LUZP2: variants seen among roughly 807,000 people sequenced by gnomAD.
LUZP2 encodes leucine zipper protein 2.
A neutral mutation model predicts 51.6 loss-of-function variants in LUZP2; 52 were observed. The ratio of observed to expected loss-of-function variants is 1.01; its 90% CI spans 0.81 to 1.27. LUZP2 has a LOEUF of 1.27. Among genes scored for constraint, LUZP2 ranks in the 50% most tolerant of loss-of-function variants. The pLI, the probability that LUZP2 is intolerant of heterozygous loss-of-function variation, is 0.00. For missense variants in LUZP2, 436 were observed against 395.4 expected (o/e 1.10, Z -0.87); for synonymous variants, 154 against 137.3 (o/e 1.12, Z -0.85).
intron 1 of LUZP2, among the ~76,000 whole-genome samples, chr11:24,684,811 A>G (rs1856847419): frequency 6.6e-6 from 1 of 152,106 alleles, no homozygotes; most frequent in African/African-American, 2.4e-5. Context: ...CTCCCCAACT[A>G]GGAATTTATG....
At chr11:25,014,439 C>A (rs529092731) in intron 9 of LUZP2, among the ~76,000 whole-genome samples, 22 of 152,194 alleles carry the variant, frequency 1.4e-4, no homozygotes, top group Admixed American at 2.6e-4. Context: ...AATGATCACC[C>A]TTCTAAATGG....
chr11:25,039,229 G>C (rs1857961595), intron 9 of LUZP2, among the ~76,000 whole-genome samples: 1 of 152,164 alleles, frequency 6.6e-6, no homozygotes, highest in African/African-American at 2.4e-5. Flanking sequence ...TCTAGGACCT[G>C]TTTGCAGCTC....
chr11:25,068,672 G>T lies in LUZP2; in HGVS notation c.859-8657G>T, dbSNP rs576420345. On this transcript the variant is annotated intron_variant, in intron 10 of 11. Transcript: ENST00000336930. ...CTCTTTAGATTCCAACACAGAGAAC[G>T]CATTGACTTCTTAGAAACATAGACA... Among the ~76,000 whole-genome samples, 3 of 152,046 alleles carry T rather than the reference G, an allele frequency of 2.0e-5. No individual in the cohort carries two copies. The South Asian group carries it at 6.2e-4, about 32-fold the overall frequency.
chr11:25,012,828 C>T (rs750041789), intron 9 of LUZP2, among the ~76,000 whole-genome samples: 1 of 152,090 alleles, frequency 6.6e-6, no homozygotes, highest in Non-Finnish European at 1.5e-5. Flanking sequence ...TCTCAAAAAA[C>T]TAAAACTAGA....
At chr11:24,998,789 T>C (rs948929408) in intron 9 of LUZP2, among the ~76,000 whole-genome samples, 9 of 152,290 alleles carry the variant, frequency 5.9e-5, no homozygotes, top group African/African-American at 2.2e-4. Context: ...CATAAAATCT[T>C]GATGATAAAA....
intron 1 of LUZP2, among the ~76,000 whole-genome samples, chr11:24,594,084 C>T (rs570301909): frequency 1.3e-4 from 20 of 152,286 alleles, no homozygotes; most frequent in Admixed American, 3.9e-4. Context: ...AATGCACTAT[C>T]GTTTCTTACT....
intron 9 of LUZP2, among the ~76,000 whole-genome samples, chr11:24,992,762 C>T (rs1856386448): frequency 6.6e-6 from 1 of 152,036 alleles, no homozygotes; most frequent in African/African-American, 2.4e-5. Flanking sequence ...GACATTGTGA[C>T]ATACAAGTTG....
intron 1 of LUZP2, among the ~76,000 whole-genome samples, chr11:24,523,048 A>C (rs11027974): frequency 0.23 from 34,716 of 151,798 alleles, 5,136 homozygotes; most frequent in African/African-American, 0.42. Context: ...ATTTTATCTC[A>C]TGGTCTCAAA....
At chr11:25,004,697 A>T (rs1856785928) in intron 9 of LUZP2, among the ~76,000 whole-genome samples, 1 of 152,108 alleles carries the variant, frequency 6.6e-6, no homozygotes, top group Non-Finnish European at 1.5e-5. Flanking sequence ...TCATTGAATA[A>T]CTCATGGGCT....
intron 1 of LUZP2, among the ~76,000 whole-genome samples, chr11:24,703,876 A>G (rs963565787): frequency 2.0e-5 from 3 of 148,874 alleles, no homozygotes; most frequent in Non-Finnish European, 3.0e-5. Flanking sequence ...AAAAAAAAAC[A>G]GAATTATTCA....
At chr11:25,069,804 T>A (rs1011276770) in intron 10 of LUZP2, among the ~76,000 whole-genome samples, 5 of 151,910 alleles carry the variant, frequency 3.3e-5, no homozygotes, top group African/African-American at 1.2e-4. Flanking sequence ...AAATTTTTTC[T>A]TCAATTTATA....
At chr11:24,640,993 ATATAG>A (rs1855262080) in intron 1 of LUZP2, among the ~76,000 whole-genome samples, 1 of 91,274 alleles carries the variant, frequency 1.1e-5, no homozygotes, top group Non-Finnish European at 2.4e-5. Flanking sequence ...ATAGATATAG[ATATAG>A]ATATAGATAT....
chr11:25,036,856 G>A (rs756701569), intron 9 of LUZP2, among the ~76,000 whole-genome samples: 1 of 151,938 alleles, frequency 6.6e-6, no homozygotes, highest in East Asian at 1.9e-4. Context: ...AAAAAATTTC[G>A]AGGCTTGCTT....
intron 7 of LUZP2, among the ~76,000 whole-genome samples, chr11:24,954,381 T>C (rs1855160094): frequency 1.3e-5 from 2 of 152,038 alleles, no homozygotes; most frequent in East Asian, 1.9e-4. Flanking sequence ...GGTACAGCTA[T>C]AGACTTAAAT....
intron 1 of LUZP2, among the ~76,000 whole-genome samples, chr11:24,624,071 TA>T (rs1424397496): frequency 6.6e-6 from 1 of 152,082 alleles, no homozygotes; most frequent in Admixed American, 6.6e-5. Context: ...TCATTAATCT[TA>T]AGAATAGCAA....
chr11:24,624,836 T>C (rs1323037079), intron 1 of LUZP2, among the ~76,000 whole-genome samples: 1 of 152,170 alleles, frequency 6.6e-6, no homozygotes, highest in Non-Finnish European at 1.5e-5. Flanking sequence ...ATTATTATAA[T>C]TGTGTTTATT....
intron 7 of LUZP2, among the ~76,000 whole-genome samples, chr11:24,960,922 G>T (rs1855377427): frequency 2.0e-5 from 3 of 152,060 alleles, no homozygotes; most frequent in Admixed American, 2.0e-4. Flanking sequence ...CTTTGAATGT[G>T]TCCCAGAGAT....
At chr11:24,905,924 G>A in intron 5 of LUZP2, 67 bp from the exon 6 acceptor site, 1 of 1,128,356 alleles carries the variant, frequency 8.9e-7, no homozygotes, top group Non-Finnish European at 1.3e-6. Flanking sequence ...CAATAATGTT[G>A]ACATAGTTGA....
chr11:24,918,402 C>T (rs1182983202), intron 7 of LUZP2, among the ~76,000 whole-genome samples: 2 of 151,904 alleles, frequency 1.3e-5, no homozygotes, highest in Admixed American at 6.6e-5. Context: ...GAGGCCATCC[C>T]TCTCTTGTGC....
Sources: gnomAD v4.1 joint callset for allele counts (sites outside exome capture counted in the v4.1 genomes callset) on GRCh38, gnomAD v4.1.1 for gene constraint, MANE v1.5 for transcripts, NCBI Gene and HGNC (gene_info 2026-07-23, HGNC 2026-07-21) for gene names.